Variants in MYH10 observed in about 807,000 individuals in gnomAD.
MYH10 encodes the protein myosin heavy chain 10, also known as myosin-10.
MYH10 carries 55 observed loss-of-function variants against 257.8 expected under a neutral mutation model. The ratio of observed to expected loss-of-function variants is 0.21; its 90% CI spans 0.17 to 0.27. The LOEUF is 0.27. MYH10 is among the 10% of genes least tolerant of loss of function. MYH10 has a pLI of 1.00. For missense variants in MYH10, 1,631 were observed against 2,500.6 expected (o/e 0.65, Z 7.42); for synonymous variants, 854 against 921.7 (o/e 0.93, Z 1.33).
intron 2 of MYH10, 112 bp from the exon 3 acceptor site, chr17:8,605,094 T>G: frequency 1.8e-6 from 1 of 549,984 alleles, no homozygotes; most frequent in Non-Finnish European, 2.9e-6. Context: ...TCTTTACCTT[T>G]TGGATAATTA....
At position 8,552,071 on chromosome 17, in the gene MYH10, T is replaced by A; in HGVS notation, c.894A>T (p.Leu298Phe). The A allele has an allele frequency of 6.4e-7, 1 of 1,555,500 alleles. No individual in the cohort carries two copies. The highest frequency in any genetic ancestry group is 1.3e-5 in the South Asian group (1 of 79,154). Residue 298 changes from leucine to phenylalanine, a missense_variant, in exon 9 of 43, where the codon TTA becomes TTT. Leu to Phe is a conservative substitution (Grantham distance 22). Around this residue, in one of 11 missense-constraint regions of MYH10, gnomAD observed 360 missense variants for 581.9 expected, o/e 0.62. Coordinates refer to ENST00000360416, the MANE Select transcript of MYH10 (RefSeq NM_001256012.3). This position sits in a 1 kb window ranked among gnomAD's most constrained non-coding sequence, Gnocchi z 4.8. ...ERTFHIFYQL[L>F]SGAGEHLKSD... ...ACTTTAGGTGTTCTCCTGCTCCAGA[T>A]AACAACTGGTAAAAGATATGAAAAG... is the stretch of plus-strand genomic sequence containing the variant.
chr17:8,580,217 C>T (rs150127211), intron 4 of MYH10, among the ~76,000 whole-genome samples: 1 of 152,068 alleles, frequency 6.6e-6, no homozygotes, highest in Non-Finnish European at 1.5e-5. Context: ...ACGTGACTAA[C>T]CAGAGCACCC....
chr17:8,602,873 C>A (rs538410153), intron 3 of MYH10, among the ~76,000 whole-genome samples: 20 of 152,266 alleles, frequency 1.3e-4, no homozygotes, highest in African/African-American at 4.8e-4. Context: ...AAATAAGACA[C>A]AAAGCCTTTA....
rs2151790290 is a variant in MYH10, at chr17:8,484,266, C to T, written c.5047G>A (p.Ala1683Thr). Residue 1683 changes from alanine (A) to threonine (T), a missense_variant and splice_region_variant, in exon 37 of 43, where the codon GCT becomes ACT. Coordinates refer to ENST00000360416, the MANE Select transcript of MYH10 (RefSeq NM_001256012.3). ...TCACGTTGGTAATCCTTCATCTGAG[C>T]CTAAGATTAAATAAGAAGGTTTTGG... Reference protein sequence around the residue: ...EVIKQLRKLQAQMKDYQRELE... With the variant: ...EVIKQLRKLQTQMKDYQRELE... The T allele has an allele frequency of 1.2e-6, 2 of 1,602,298 alleles. No homozygotes were observed. The highest frequency in any genetic ancestry group is 1.7e-6 in the Non-Finnish European group (2 of 1,176,846).
At chr17:8,520,052 T>C (rs1488454400) in intron 19 of MYH10, among the ~76,000 whole-genome samples, 1 of 151,548 alleles carries the variant, frequency 6.6e-6, no homozygotes, top group African/African-American at 2.4e-5. Flanking sequence ...TACATACACA[T>C]ACACACACAC....
chr17:8,581,403 G>A (rs907388811), intron 4 of MYH10, among the ~76,000 whole-genome samples: 1 of 151,886 alleles, frequency 6.6e-6, no homozygotes, highest in African/African-American at 2.4e-5. Flanking sequence ...AGTTATGATT[G>A]TTACTTTCCA....
intron 34 of MYH10, 47 bp downstream of exon 34, chr17:8,492,250 T>C: frequency 6.3e-7 from 1 of 1,583,204 alleles, no homozygotes; most frequent in Non-Finnish European, 8.6e-7. Flanking sequence ...CCCAGGCCCC[T>C]GGGATACTCT....
chr17:8,493,708 G>A (rs752217828), intron 32 of MYH10, 25 bp downstream of exon 32: 71 of 1,597,272 alleles, frequency 4.4e-5, no homozygotes, highest in South Asian at 5.6e-5. Context: ...CGAGGCCACC[G>A]CGGCCTCCTA....
chr17:8,580,397 T>TTA (rs2083659040), intron 4 of MYH10, among the ~76,000 whole-genome samples: 1 of 150,564 alleles, frequency 6.6e-6, no homozygotes, highest in African/African-American at 2.5e-5. Context: ...AATATTCATC[T>TTA]TATTTTTTTT....
At chr17:8,479,363 C>T (rs1218121344) in intron 40 of MYH10, among the ~76,000 whole-genome samples, 1 of 152,140 alleles carries the variant, frequency 6.6e-6, no homozygotes, top group Non-Finnish European at 1.5e-5. Context: ...CCATGGAAGA[C>T]AGAAAAAGTT....
intron 3 of MYH10, among the ~76,000 whole-genome samples, chr17:8,590,491 T>C (rs973525597): frequency 2.0e-5 from 3 of 152,140 alleles, no homozygotes; most frequent in East Asian, 3.9e-4. Flanking sequence ...TTTTGTATCT[T>C]TGTAGAGACA....
chr17:8,546,359 C>T (rs2082444351), intron 12 of MYH10, among the ~76,000 whole-genome samples, 185 bp downstream of exon 12: 2 of 151,454 alleles, frequency 1.3e-5, no homozygotes, highest in Admixed American at 1.3e-4. Flanking sequence ...GGCCCCGGCC[C>T]CTTTTAAATT....
Position 8,623,813 on chromosome 17 carries a change from C to A in MYH10, c.-31-536G>T, listed in dbSNP as rs570875357. Among the ~76,000 whole-genome samples the A allele has an allele frequency of 4.1e-4, 62 of 152,232 alleles. No homozygotes were observed. The South Asian group carries it at 0.013, about 32-fold the overall frequency. On this transcript the variant is annotated intron_variant, in intron 1 of 42. Coordinates refer to ENST00000360416, the MANE Select transcript of MYH10 (RefSeq NM_001256012.3). ...CTTATGAATAACCCAAATCAGTCTC[C>A]CTCTAGCTTTTCTATGGCCCCATGA...
intron 4 of MYH10, among the ~76,000 whole-genome samples, chr17:8,579,277 TAAA>T (rs5819200): frequency 2.1e-5 from 3 of 145,530 alleles, no homozygotes; most frequent in Non-Finnish European, 1.5e-5. Flanking sequence ...AGACCCTGTC[TAAA>T]AAAAAAAAAA....
At chr17:8,483,728 C>T (rs1252921700) in intron 37 of MYH10, among the ~76,000 whole-genome samples, 10 of 152,202 alleles carry the variant, frequency 6.6e-5, no homozygotes, top group African/African-American at 2.4e-4. Flanking sequence ...TTCAATGAAA[C>T]AAACTTCTCT....
At chr17:8,543,587 C>T (rs1597787212) in intron 13 of MYH10, among the ~76,000 whole-genome samples, 1 of 151,764 alleles carries the variant, frequency 6.6e-6, no homozygotes, top group East Asian at 1.9e-4. Flanking sequence ...CAATTCTCTG[C>T]CTCAGCCTTC....
intron 2 of MYH10, among the ~76,000 whole-genome samples, chr17:8,614,507 C>T (rs1022424561): frequency 9.9e-5 from 15 of 151,824 alleles, no homozygotes; most frequent in African/African-American, 3.4e-4. Context: ...TTAGTAGAGA[C>T]AGGGTTTCAC....
chr17:8,553,518 G>A (rs1442800691), intron 8 of MYH10, among the ~76,000 whole-genome samples: 4 of 152,082 alleles, frequency 2.6e-5, no homozygotes, highest in African/African-American at 9.7e-5. Flanking sequence ...ACTATTCTAT[G>A]TACTTGACAT....
intron 3 of MYH10, among the ~76,000 whole-genome samples, chr17:8,604,170 A>G (rs1415292647): frequency 6.6e-6 from 1 of 152,166 alleles, no homozygotes; most frequent in African/African-American, 2.4e-5. Context: ...AGGGAGAGTT[A>G]TTACAGAAGA....
Sources: allele counts gnomAD v4.1 joint callset (sites outside exome capture counted in the v4.1 genomes callset), GRCh38; gene constraint gnomAD v4.1.1; regional missense constraint gnomAD v4.1.1; non-coding constraint Gnocchi (gnomAD v3.1); transcripts MANE v1.5; gene names NCBI Gene and HGNC (gene_info 2026-07-23, HGNC 2026-07-21).